DOCK8: variants seen among roughly 807,000 people sequenced by gnomAD.
DOCK8 encodes dedicator of cytokinesis protein 8.
A neutral mutation model predicts 245.6 loss-of-function variants in DOCK8; 141 were observed. That is an observed-to-expected ratio of 0.57 (90% CI 0.50 to 0.66). The LOEUF is 0.66. Ranked by LOEUF, DOCK8 falls within the 30% of genes least tolerant of loss-of-function variation. DOCK8 has a pLI of 0.00. For synonymous variants in DOCK8, 1,168 were observed against 970.2 expected, an observed-to-expected ratio of 1.20 and a Z score of -3.79; for missense variants, 2,965 against 2,603.4, an observed-to-expected ratio of 1.14 and a Z score of -3.02.
intron 46 of DOCK8, among the ~76,000 whole-genome samples, chr9:455,766 A>AT (rs1372660679): frequency 6.6e-6 from 1 of 151,290 alleles, no homozygotes; most frequent in African/African-American, 2.4e-5. Flanking sequence ...CTTCCTCCCA[A>AT]AAAATAAATA....
Position 399,275 on chromosome 9 carries a change from A to ACCCCC in DOCK8, c.3234+17_3234+21dup. 1 of 1,255,992 alleles carries ACCCCC rather than the reference A, an allele frequency of 8.0e-7. No individual in the cohort carries two copies. Among genetic ancestry groups the ACCCCC allele is most frequent in the Non-Finnish European group, 1.1e-6 (1 of 944,912 alleles). 77.8% of individuals were successfully genotyped at this position (1,255,992 alleles called of 1,614,324 possible). ...TTGCAGCCAGGTGAGTGTCCCCCCC[A>ACCCCC]CCCCCACCCCCGAGCGAGCCACTTG... On this transcript the variant is annotated intron_variant, in intron 26 of 47. Transcript: ENST00000432829.
chr9:299,312 T>G (rs2049417715), intron 4 of DOCK8, among the ~76,000 whole-genome samples: 1 of 152,202 alleles, frequency 6.6e-6, no homozygotes, highest in African/African-American at 2.4e-5. Flanking sequence ...CTAGCAGGTT[T>G]ATAAAATCCG....
chr9:304,544 CTCTT>C, intron 4 of DOCK8, 33 bp from the exon 5 acceptor site: 1 of 1,613,444 alleles, frequency 6.2e-7, no homozygotes, highest in Non-Finnish European at 8.5e-7. Flanking sequence ...CTCTCTCTCC[CTCTT>C]TCTCTCTCCA....
chr9:414,844 T>G lies in DOCK8; in HGVS notation c.3593T>G (p.Leu1198Arg). 1 of 1,614,214 alleles carries G rather than the reference T, an allele frequency of 6.2e-7. No individual in the cohort carries two copies. Among genetic ancestry groups the G allele is most frequent in the Non-Finnish European group, 8.5e-7 (1 of 1,180,018 alleles). Residue 1198 changes from leucine to arginine, a missense_variant, in exon 29 of 48, where the codon CTG becomes CGG. Leu to Arg is a moderately radical substitution (Grantham distance 102). Transcript: ENST00000432829. The part of the protein sequence containing the change: ...AIHSLLSSHD[L>R]DPRCVKPEVK... ...CACAGCCTGCTAAGTTCTCACGACCTGGACCCACGCTGTGTCAAACCAGAG... is the reference window on the plus strand; with the variant it reads ...CACAGCCTGCTAAGTTCTCACGACCGGGACCCACGCTGTGTCAAACCAGAG...
chr9:356,631 C>A (rs2052462569), intron 14 of DOCK8, among the ~76,000 whole-genome samples: 1 of 152,102 alleles, frequency 6.6e-6, no homozygotes, highest in Admixed American at 6.5e-5. Context: ...TTCCCCAAAG[C>A]AGTGCTTCCT....
chr9:231,727 A>T (rs2047122165), intron 1 of DOCK8, among the ~76,000 whole-genome samples: 1 of 152,080 alleles, frequency 6.6e-6, no homozygotes, highest in South Asian at 2.1e-4. Flanking sequence ...AAGAATGCTT[A>T]TTATTTTTAT....
intron 1 of DOCK8, among the ~76,000 whole-genome samples, chr9:244,001 G>A (rs931406506): frequency 1.3e-5 from 2 of 151,894 alleles, no homozygotes; most frequent in Non-Finnish European, 2.9e-5. Flanking sequence ...TGGCTAACAT[G>A]GTGAAACCCC....
chr9:408,388 T>G (rs954382653), intron 28 of DOCK8, among the ~76,000 whole-genome samples: 3 of 152,206 alleles, frequency 2.0e-5, no homozygotes, highest in African/African-American at 7.2e-5. Flanking sequence ...TTCTGCCTCC[T>G]TCCAGATAAA....
intron 1 of DOCK8, among the ~76,000 whole-genome samples, chr9:218,697 A>T (rs533709899): frequency 3.1e-4 from 47 of 152,330 alleles, no homozygotes; most frequent in Middle Eastern, 3.4e-3. Flanking sequence ...TACAGAATAG[A>T]TGTAAAATTT....
At chr9:227,664 G>A (rs1450306589) in intron 1 of DOCK8, among the ~76,000 whole-genome samples, 1 of 152,080 alleles carries the variant, frequency 6.6e-6, no homozygotes, top group African/African-American at 2.4e-5. Flanking sequence ...CATTTCTATT[G>A]GGCGGCTTGA....
At position 439,403 on chromosome 9, in the gene DOCK8, G is replaced by T. The variant is rs574618395; in HGVS notation, c.5223+15G>T. On this transcript the variant is annotated intron_variant, in intron 40 of 47. Transcript: ENST00000432829. ...TCTTCAGCACGGTCAGTGCCCAGAG[G>T]GCATCCCGGGGCCTGGCCTCCCATA... 3.4e-5 allele frequency: 55 copies of T among 1,611,330 alleles called. No individual in the cohort carries two copies. In the Admixed American group the frequency reaches 6.8e-4, roughly 20 times the overall value.
intron 46 of DOCK8, chr9:456,916 G>C (rs1228871400): frequency 2.0e-5 from 3 of 152,100 alleles, no homozygotes; most frequent in African/African-American, 7.2e-5. Flanking sequence ...AGTACTCACT[G>C]GCACCAGTTA....
chr9:317,261 G>C (rs900798528), intron 7 of DOCK8, 133 bp downstream of exon 7: 8 of 758,814 alleles, frequency 1.1e-5, no homozygotes, highest in Non-Finnish European at 1.6e-5. Context: ...CAGCTGTGGA[G>C]TAGTAGAAAG....
At chr9:301,970 A>AT (rs928378287) in intron 4 of DOCK8, among the ~76,000 whole-genome samples, 54 of 151,294 alleles carry the variant, frequency 3.6e-4, no homozygotes, top group African/African-American at 1.2e-3. Flanking sequence ...TAGCAACATC[A>AT]TTTTTTCACA....
chr9:441,579 G>C (rs999325590), intron 41 of DOCK8, among the ~76,000 whole-genome samples, 162 bp downstream of exon 41: 1 of 152,162 alleles, frequency 6.6e-6, no homozygotes, highest in African/African-American at 2.4e-5. Flanking sequence ...TTCTAACAGA[G>C]GACCAAAATT....
chr9:304,208 C>A (rs956229323), intron 4 of DOCK8, among the ~76,000 whole-genome samples: 1 of 152,170 alleles, frequency 6.6e-6, no homozygotes, highest in Non-Finnish European at 1.5e-5. Context: ...TTTTTATCTT[C>A]AAACGATCTC....
At chr9:275,181 G>A (rs1408515994) in intron 2 of DOCK8, among the ~76,000 whole-genome samples, 1 of 151,928 alleles carries the variant, frequency 6.6e-6, no homozygotes, top group Non-Finnish European at 1.5e-5. Context: ...TATATAATGG[G>A]TCCTTTGTAT....
chr9:461,899 C>T (rs1480478730), intron 46 of DOCK8, among the ~76,000 whole-genome samples: 2 of 151,598 alleles, frequency 1.3e-5, no homozygotes, highest in African/African-American at 4.8e-5. Context: ...CTGAACTTTT[C>T]CTGGTCTCTT....
At chr9:434,996 C>A (rs754633216) in intron 39 of DOCK8, 21 bp downstream of exon 39, 12 of 1,610,832 alleles carry the variant, frequency 7.4e-6, no homozygotes, top group Non-Finnish European at 1.0e-5. Context: ...TGCAGCTTTT[C>A]CCTTAGAGCA....
Sources: allele counts gnomAD v4.1 joint callset (sites outside exome capture counted in the v4.1 genomes callset), GRCh38; gene constraint gnomAD v4.1.1; transcripts MANE v1.5; gene names NCBI Gene and HGNC (gene_info 2026-07-23, HGNC 2026-07-21).